ADAMTS13: variants seen among roughly 807,000 people sequenced by gnomAD.
The protein encoded by ADAMTS13 is ADAM metallopeptidase with thrombospondin type 1 motif 13, also known as A disintegrin and metalloproteinase with thrombospondin motifs 13.
A neutral mutation model predicts 155.1 loss-of-function variants in ADAMTS13; 110 were observed. The observed-to-expected ratio is 0.71, with a 90% CI of 0.61 to 0.83. ADAMTS13 has a LOEUF of 0.83. Ranked by LOEUF, ADAMTS13 falls within the 40% of genes least tolerant of loss-of-function variation. The pLI is 0.00. For synonymous variants in ADAMTS13, 758 were observed against 756.4 expected, an observed-to-expected ratio of 1.00 and a Z score of -0.03; for missense variants, 1,707 against 1,891.7, an observed-to-expected ratio of 0.90 and a Z score of 1.81.
intron 11 of ADAMTS13, among the ~76,000 whole-genome samples, chr9:133,434,661 A>G (rs587622109): frequency 9.8e-5 from 15 of 152,336 alleles, no homozygotes; most frequent in African/African-American, 3.6e-4. Flanking sequence ...CAAGCATTTT[A>G]AAGTGGCAAC....
chr9:133,454,587 A>T lies in ADAMTS13; in HGVS notation c.3217A>T (p.Thr1073Ser), dbSNP rs781898659. 19 of 1,605,026 alleles carry T rather than the reference A, an allele frequency of 1.2e-5. No homozygotes were observed. In the South Asian group the frequency reaches 1.9e-4, roughly 16 times the overall value. ...ASVPCLIADCTYRWHVGTWME... is the reference protein window; with the variant it reads ...ASVPCLIADCSYRWHVGTWME... ...TGTCCCCTGTCTCATTGCCGACTGC[A>T]CCTACCGCTGGCATGTTGGCACCTG... The change falls in exon 24 of 29, where the codon ACC (threonine) becomes TCC (serine). Residue 1073 changes from threonine to serine, a missense_variant. Thr to Ser is a moderately conservative substitution (Grantham distance 58). Around this residue, in one of 3 missense-constraint regions of ADAMTS13, gnomAD observed 961 missense variants for 1,107.9 expected, o/e 0.87. Transcript: ENST00000355699.
At chr9:133,414,516 A>G (rs1839439407) in exon 1 of ADAMTS13, 3 of 782,084 alleles carry the variant, frequency 3.8e-6, no homozygotes, top group Non-Finnish European at 4.5e-6. Flanking sequence ...TCTAGGGGAA[A>G]ACAAGTAACA....
At chr9:133,444,490 A>G (rs941550588) in intron 19 of ADAMTS13, among the ~76,000 whole-genome samples, 2 of 152,026 alleles carry the variant, frequency 1.3e-5, no homozygotes, top group African/African-American at 4.8e-5. Context: ...TATTTTTTGT[A>G]GAAACAGGGT....
upstream of ADAMTS13, chr9:133,417,720 G>A (rs782132225): frequency 1.2e-6 from 2 of 1,613,998 alleles, no homozygotes; most frequent in Non-Finnish European, 8.5e-7. Flanking sequence ...TACTTCCCGC[G>A]CCTTGCTTTT....
rs1375463568 is a variant in ADAMTS13 at position 133,425,939 on chromosome 9, G to T, written c.416G>T (p.Gly139Val). Residue 139 changes from glycine to valine, a missense_variant and splice_region_variant, in exon 5 of 29, where the codon GGT (glycine) becomes GTT (valine). Physicochemically the swap from Gly to Val is moderately radical, Grantham distance 109. Coordinates refer to ENST00000355699, the MANE Select transcript of ADAMTS13 (RefSeq NM_139027.6). This position sits in a 1 kb window ranked among gnomAD's most constrained non-coding sequence, Gnocchi z 4.6. ...GCAGGCTTTGCTGTGGGTCCGCAGG[G>T]TGCTCCAAATATCACAGCCAACCTC... is the stretch of plus-strand genomic sequence containing the variant. ...VKMVILTEPEGAPNITANLTS... is the reference protein window; with the variant it reads ...VKMVILTEPEVAPNITANLTS... The T allele has an allele frequency of 1.2e-6, 2 of 1,613,398 alleles. No homozygotes were observed. Among genetic ancestry groups the T allele is most frequent in the Admixed American group, 1.7e-5 (1 of 59,996 alleles).
intron 8 of ADAMTS13, 45 bp downstream of exon 8, chr9:133,430,146 C>A: frequency 1.3e-6 from 2 of 1,549,116 alleles, no homozygotes; most frequent in Non-Finnish European, 1.7e-6. Flanking sequence ...GAGGTCCCTC[C>A]GCATCACCCA....
chr9:133,439,401 A>G lies in ADAMTS13; in HGVS notation c.1741A>G (p.Thr581Ala), dbSNP rs782254257. The change falls in exon 15 of 29, where the codon ACC becomes GCC. Residue 581 changes from threonine to alanine, a missense_variant. Coordinates refer to ENST00000355699, the MANE Select transcript of ADAMTS13 (RefSeq NM_139027.6). ...VTFLTVTPNL[T>A]SVYIANHRPL... The stretch of plus-strand genomic sequence containing the variant: ...GTTTCTGACAGTTACCCCCAACCTG[A>G]CCAGTGTCTACATTGCCAACCACAG... The G allele has an allele frequency of 1.2e-6, 2 of 1,614,062 alleles. No homozygotes were observed. Among genetic ancestry groups the G allele is most frequent in the East Asian group, 2.2e-5 (1 of 44,890 alleles).
Position 133,454,508 on chromosome 9 carries a change from G to A in ADAMTS13, c.3138G>A (p.Gln1046=). The change falls in exon 24 of 29, where the codon CAG becomes CAA. Residue 1046 remains glutamine, a synonymous_variant. Coordinates refer to ENST00000355699, the MANE Select transcript of ADAMTS13 (RefSeq NM_139027.6). ...SVACVQLDQG[Q]DVEVDEAACA... Reference sequence around the variant, plus strand: ...CCTGTGTGCAGCTCGACCAAGGCCAGGACGTGGAGGTGGACGAGGCGGCCT... The same window carrying A: ...CCTGTGTGCAGCTCGACCAAGGCCAAGACGTGGAGGTGGACGAGGCGGCCT... 6.2e-7 allele frequency: 1 copy of A among 1,612,344 alleles called. No homozygotes were observed. The highest frequency in any genetic ancestry group is 8.5e-7 in the Non-Finnish European group (1 of 1,180,002).
chr9:133,437,741 C>T lies in ADAMTS13; in HGVS notation c.1436-8C>T. ...TTCAGGACACCCTTTTTCACTCTGC[C>T]CTCCCAGGGGATGCTCTGTGCAGAC... is the stretch of plus-strand genomic sequence containing the variant. On this transcript the variant is annotated splice_region_variant and splice_polypyrimidine_tract_variant and intron_variant, in intron 12 of 28. Transcript: ENST00000355699. 2 of 1,613,718 alleles carry T rather than the reference C, an allele frequency of 1.2e-6. No homozygotes were observed. Among genetic ancestry groups the T allele is most frequent in the Non-Finnish European group, 1.7e-6 (2 of 1,180,022 alleles).
At chr9:133,438,807 A>T (rs1383217667) in intron 14 of ADAMTS13, among the ~76,000 whole-genome samples, 1 of 150,950 alleles carries the variant, frequency 6.6e-6, no homozygotes, top group African/African-American at 2.4e-5. Context: ...CTAGCTACTC[A>T]GGAGGCTGAG....
rs36218550 is a variant in ADAMTS13 at position 133,424,191 on chromosome 9, G to A, written c.173-130G>A. The A allele has an allele frequency of 7.0e-7, 1 of 1,433,700 alleles. No individual in the cohort carries two copies. Among genetic ancestry groups the A allele is most frequent in the Non-Finnish European group, 9.7e-7 (1 of 1,033,724 alleles). The allele number at this position is 1,433,700 out of a possible 1,614,324, so 88.8% of individuals were successfully genotyped here. On this transcript the variant is annotated intron_variant, in intron 2 of 28. Transcript: ENST00000355699. The surrounding 1 kb of genome is among the most constrained non-coding windows in gnomAD (Gnocchi z 4.3). ...GTCACTAATGGGGTCTGGCTCTTGG[G>A]GTGGGGGTGACACGCAATGTCTTGA...
intron 18 of ADAMTS13, 113 bp from the exon 19 acceptor site, chr9:133,443,263 G>T (rs957926283): frequency 7.5e-7 from 1 of 1,332,070 alleles, no homozygotes; most frequent in African/African-American, 1.4e-5. Flanking sequence ...TAGGCTGGCC[G>T]TAGTGCCCAT....
intron 1 of ADAMTS13, among the ~76,000 whole-genome samples, 175 bp from the exon 2 acceptor site, chr9:133,422,922 TTCTC>T (rs1301183610): frequency 8.0e-5 from 12 of 149,478 alleles, no homozygotes; most frequent in Middle Eastern, 3.4e-3. Context: ...TCTTTTTTCT[TTCTC>T]TCTCTCTCTT....
In ADAMTS13 at chr9:133,425,692, T is replaced by C. The variant is rs1338685551; in HGVS notation, c.414+80T>C. The C allele has an allele frequency of 1.3e-6, 2 of 1,497,566 alleles. No individual in the cohort carries two copies. Among genetic ancestry groups the C allele is most frequent in the African/African-American group, 1.4e-5 (1 of 72,114 alleles). The allele number at this position is 1,497,566 out of a possible 1,614,324, so 92.8% of individuals were successfully genotyped here. On this transcript the variant is annotated intron_variant, in intron 4 of 28. Coordinates refer to ENST00000355699, the MANE Select transcript of ADAMTS13 (RefSeq NM_139027.6). This position sits in a 1 kb window ranked among gnomAD's most constrained non-coding sequence, Gnocchi z 4.6. ...CGCATCTCCATCCTCTTTAACCTCT[T>C]GTCCCGGATGCCCCAAGCAGCATGG...
rs2130827652 is a variant in ADAMTS13 at position 133,433,863 on chromosome 9, AG to A, written c.1308+161del. On this transcript the variant is annotated intron_variant, in intron 11 of 28. Coordinates refer to ENST00000355699, the MANE Select transcript of ADAMTS13 (RefSeq NM_139027.6). ...GTAATCCCAGCACTTTGGGAGGCCA[AG>A]GCAGGTGGATCACCTGAGGTCAGGG... 1.3e-5 allele frequency among the ~76,000 whole-genome samples: 2 copies of A among 152,236 alleles called. 1 individual carries two copies. Among genetic ancestry groups the A allele is most frequent in the Non-Finnish European group, 2.9e-5 (2 of 68,008 alleles).
intron 1 of ADAMTS13, chr9:133,415,571 G>A (rs1206267011): frequency 6.5e-6 from 1 of 153,344 alleles, no homozygotes; most frequent in Non-Finnish European, 1.5e-5. Context: ...AGAGGCTCCT[G>A]TAGTCTTAGA....
rs782154017 is a variant in ADAMTS13, at chr9:133,448,671, T to C, written c.2804T>C (p.Leu935Pro). Reference protein sequence around the residue: ...RVPVQEELCGLASKPGSRREV... With the variant: ...RVPVQEELCGPASKPGSRREV... ...CCTGTCCAGGAAGAGCTGTGTGGCC[T>C]GGCAAGCAAGCCTGGGAGCCGGCGG... Residue 935 changes from leucine to proline, a missense_variant, in exon 22 of 29, where the codon CTG (leucine) becomes CCG (proline). Coordinates refer to ENST00000355699, the MANE Select transcript of ADAMTS13 (RefSeq NM_139027.6). The C allele has an allele frequency of 1.0e-5, 16 of 1,607,864 alleles. No individual in the cohort carries two copies. Among genetic ancestry groups the C allele is most frequent in the Non-Finnish European group, 1.2e-5 (14 of 1,179,978 alleles).
At chr9:133,432,002 G>A (rs587703428) in intron 8 of ADAMTS13, among the ~76,000 whole-genome samples, 2 of 151,668 alleles carry the variant, frequency 1.3e-5, no homozygotes, top group Non-Finnish European at 3.0e-5. Context: ...GGTGGCTCAC[G>A]CCTGTAATCC....
chr9:133,458,478 C>A (rs1298142618), intron 28 of ADAMTS13, among the ~76,000 whole-genome samples: 4 of 133,026 alleles, frequency 3.0e-5, no homozygotes, highest in Non-Finnish European at 6.2e-5. Flanking sequence ...ATCACTTGAA[C>A]CCGGGAGGTG....
Sources: allele counts gnomAD v4.1 joint callset (sites outside exome capture counted in the v4.1 genomes callset), GRCh38; gene constraint gnomAD v4.1.1; regional missense constraint gnomAD v4.1.1; non-coding constraint Gnocchi (gnomAD v3.1); transcripts MANE v1.5; gene names NCBI Gene and HGNC (gene_info 2026-07-23, HGNC 2026-07-21).